CWH43: variants seen among roughly 807,000 people sequenced by gnomAD.
CWH43 encodes the protein cell wall biogenesis 43 C-terminal homolog, also known as PGAP2-interacting protein.
A neutral mutation model predicts 85.7 loss-of-function variants in CWH43; 91 were observed. That is an observed-to-expected ratio of 1.06 (90% CI 0.90 to 1.26). CWH43 has a LOEUF of 1.26. CWH43 is among the 50% of genes most tolerant of loss of function. CWH43 has a pLI of 0.00. For synonymous variants in CWH43, 323 were observed against 293.6 expected, an observed-to-expected ratio of 1.10 and a Z score of -1.02; for missense variants, 869 against 839.2, an observed-to-expected ratio of 1.04 and a Z score of -0.44.
At chr4:48,986,548 A>T in intron 1 of CWH43, 76 bp downstream of exon 1, 1 of 1,541,940 alleles carries the variant, frequency 6.5e-7, no homozygotes, top group South Asian at 1.2e-5. Flanking sequence ...GAGCCAGGCC[A>T]GGTTGGCTGA....
intron 1 of CWH43, 103 bp downstream of exon 1, chr4:48,986,575 A>G: frequency 6.5e-7 from 1 of 1,529,018 alleles, no homozygotes; most frequent in Non-Finnish European, 8.8e-7. Flanking sequence ...GTAGGAGGAA[A>G]AGGGCGCTCC....
At position 49,062,006 on chromosome 4, in the gene CWH43, A is replaced by G. The variant is rs1785177051; in HGVS notation, c.*116A>G. ...CACATGAAGAACCTCAACTTAAAAAACACATGGTATCTATGCAGTGGGAAA... is the reference window on the plus strand; with the variant it reads ...CACATGAAGAACCTCAACTTAAAAAGCACATGGTATCTATGCAGTGGGAAA... On this transcript the variant is annotated 3_prime_UTR_variant, in exon 16 of 16. Transcript: ENST00000226432. 1 of 786,004 alleles carries G rather than the reference A, an allele frequency of 1.3e-6. No homozygotes were observed. The highest frequency in any genetic ancestry group is 4.1e-5 in the East Asian group (1 of 24,360). 48.7% of individuals were successfully genotyped at this position (786,004 alleles called of 1,614,324 possible).
chr4:49,001,064 GCA>G (rs1560488550), intron 6 of CWH43, among the ~76,000 whole-genome samples: 1 of 152,118 alleles, frequency 6.6e-6, no homozygotes, highest in Admixed American at 6.6e-5. Flanking sequence ...TTTTCCCATT[GCA>G]CAGTTTATGT....
chr4:48,986,784 C>T (rs1368517045), intron 1 of CWH43: 5 of 1,218,040 alleles, frequency 4.1e-6, no homozygotes, highest in Admixed American at 4.4e-5. Context: ...CCCGCGCGGC[C>T]GGTACCGTCC....
chr4:49,059,902 T>A (rs1345301663), intron 15 of CWH43, among the ~76,000 whole-genome samples: 1 of 152,156 alleles, frequency 6.6e-6, no homozygotes, highest in African/African-American at 2.4e-5. Flanking sequence ...GGTGCTGGAA[T>A]GAACCTGGTG....
intron 12 of CWH43, among the ~76,000 whole-genome samples, chr4:49,037,087 T>G (rs1171867311): frequency 6.6e-6 from 1 of 152,236 alleles, no homozygotes; most frequent in African/African-American, 2.4e-5. Context: ...TCACTTTGTT[T>G]GAAACATCTA....
intron 15 of CWH43, among the ~76,000 whole-genome samples, chr4:49,051,175 A>T (rs1012991154): frequency 2.1e-4 from 32 of 152,150 alleles, no homozygotes; most frequent in African/African-American, 7.5e-4. Flanking sequence ...AGACCCTGTT[A>T]TAGGTGCTTT....
intron 13 of CWH43, 82 bp from the exon 14 acceptor site, chr4:49,044,704 T>A: frequency 2.0e-6 from 2 of 1,009,000 alleles, no homozygotes; most frequent in South Asian, 2.8e-5. Context: ...ATATTTATCA[T>A]GTAGCTCACA....
chr4:48,994,766 C>T lies in CWH43; in HGVS notation c.659C>T (p.Ser220Phe), dbSNP rs780112691. 60 of 1,613,884 alleles carry T rather than the reference C, an allele frequency of 3.7e-5. No individual in the cohort carries two copies. The highest frequency in any genetic ancestry group is 6.7e-5 in the Admixed American group (4 of 59,950). Residue 220 changes from serine (S) to phenylalanine (F), a missense_variant, in exon 5 of 16, where the codon TCC becomes TTC. Physicochemically the swap from Ser to Phe is radical, Grantham distance 155. Around this residue, in one of 3 missense-constraint regions of CWH43, gnomAD observed 152 missense variants for 203.6 expected, o/e 0.75. Transcript: ENST00000226432. Reference sequence around the variant, plus strand: ...GTTTTTGGAGAAGTCTCTCTTGTTTCCAGATGGGCAGTGAGTGGGCATCCA... The same window carrying T: ...GTTTTTGGAGAAGTCTCTCTTGTTTTCAGATGGGCAGTGAGTGGGCATCCA... ...HWVFGEVSLV[S>F]RWAVSGHPHP... is the part of the protein sequence containing the mutation.
At position 49,007,286 on chromosome 4, in the gene CWH43, T is replaced by C; in HGVS notation, c.1146T>C (p.Ser382=). Residue 382 remains serine (S), a synonymous_variant, in exon 8 of 16, where the codon TCT becomes TCC. Transcript: ENST00000226432. ...LDLLLQTKNS[S]KVLFRKSEKY... is the part of the protein sequence containing the mutation. The stretch of plus-strand genomic sequence containing the variant: ...TGCTTCTTCAAACAAAAAACAGTTC[T>C]AAAGTGCTTTTCAGAAAGAGTGAAA... 1.2e-6 allele frequency: 2 copies of C among 1,609,402 alleles called. No individual in the cohort carries two copies. The highest frequency in any genetic ancestry group is 1.3e-5 in the African/African-American group (1 of 74,966).
At chr4:48,996,310 C>T (rs909828012) in intron 5 of CWH43, among the ~76,000 whole-genome samples, 1 of 150,920 alleles carries the variant, frequency 6.6e-6, no homozygotes, top group Non-Finnish European at 1.5e-5. Context: ...CACACACACA[C>T]ACACACACAC....
At chr4:48,991,882 C>A in intron 3 of CWH43, 54 bp from the exon 4 acceptor site, 1 of 1,423,950 alleles carries the variant, frequency 7.0e-7, no homozygotes. Flanking sequence ...TCATGATGGA[C>A]ATAGTACATT....
At chr4:49,057,105 C>T (rs1253179233) in intron 15 of CWH43, among the ~76,000 whole-genome samples, 1 of 152,096 alleles carries the variant, frequency 6.6e-6, no homozygotes, top group Non-Finnish European at 1.5e-5. Flanking sequence ...CATGTGAACC[C>T]CCAAAATCTG....
intron 8 of CWH43, among the ~76,000 whole-genome samples, chr4:49,009,262 T>A (rs1163879038): frequency 6.6e-6 from 1 of 152,196 alleles, no homozygotes; most frequent in East Asian, 1.9e-4. Context: ...TCACTCATGA[T>A]TTGGCTCTCT....
At chr4:49,014,662 A>T (rs1783481697) in intron 8 of CWH43, among the ~76,000 whole-genome samples, 2 of 151,908 alleles carry the variant, frequency 1.3e-5, no homozygotes, top group Admixed American at 1.3e-4. Flanking sequence ...AAATCGAGGC[A>T]TTTGGAACAG....
chr4:48,993,683 G>A (rs4695417), intron 4 of CWH43, among the ~76,000 whole-genome samples: 88,193 of 152,130 alleles, frequency 0.58, 29,025 homozygotes, highest in Middle Eastern at 0.75. Flanking sequence ...CACTGCCTAA[G>A]CTCCAATCCC....
At position 49,038,124 on chromosome 4, in the gene CWH43, A is replaced by G; in HGVS notation, c.1747A>G (p.Thr583Ala). 6.2e-7 allele frequency: 1 copy of G among 1,612,132 alleles called. No homozygotes were observed. The highest frequency in any genetic ancestry group is 1.1e-5 in the South Asian group (1 of 90,654). The change falls in exon 13 of 16, where the codon ACT becomes GCT. Residue 583 changes from threonine (T) to alanine (A), a missense_variant. Thr to Ala is a moderately conservative substitution (Grantham distance 58). Around this residue, in one of 3 missense-constraint regions of CWH43, gnomAD observed 577 missense variants for 513.1 expected, o/e 1.12. Coordinates refer to ENST00000226432, the MANE Select transcript of CWH43 (RefSeq NM_025087.3). ...SNQVIFLGYITSAPGSRDYLQ... is the reference protein window; with the variant it reads ...SNQVIFLGYIASAPGSRDYLQ... ...TCAAGTGATATTTCTGGGATATATC[A>G]CTTCAGCACCTGGCTCCAGAGATTA... is the stretch of plus-strand genomic sequence containing the variant.
intron 5 of CWH43, among the ~76,000 whole-genome samples, chr4:48,997,281 A>G (rs1782845122): frequency 1.3e-5 from 2 of 151,080 alleles, no homozygotes; most frequent in Admixed American, 6.6e-5. Flanking sequence ...CTGCTCTCAA[A>G]CTCCTGACCT....
intron 15 of CWH43, among the ~76,000 whole-genome samples, chr4:49,053,688 G>A (rs1474235456): frequency 8.5e-5 from 13 of 152,148 alleles, no homozygotes; most frequent in Admixed American, 2.0e-4. Context: ...GATATTAGCC[G>A]TTTATCATAT....
Sources: allele counts gnomAD v4.1 joint callset (sites outside exome capture counted in the v4.1 genomes callset), GRCh38; gene constraint gnomAD v4.1.1; regional missense constraint gnomAD v4.1.1; transcripts MANE v1.5; gene names NCBI Gene and HGNC (gene_info 2026-07-23, HGNC 2026-07-21).